The following SSH2 variants were observed in gnomAD, a reference collection of about 807,000 sequenced individuals.
SSH2 encodes slingshot protein phosphatase 2.
Under a neutral mutation model 135.2 loss-of-function variants are expected in SSH2, and 37 were observed. The observed-to-expected ratio is 0.27, with a 90% CI of 0.21 to 0.36. SSH2 has a LOEUF of 0.36. Ranked by LOEUF, SSH2 falls within the 10% of genes least tolerant of loss-of-function variation. The probability of loss-of-function intolerance (pLI) is 1.00; values close to 1 mark genes in which losing one functional copy is unlikely to be tolerated. For missense variants in SSH2, 1,408 were observed against 1,765.3 expected, an observed-to-expected ratio of 0.80 and a Z score of 3.63; for synonymous variants, 628 against 646.2, an observed-to-expected ratio of 0.97 and a Z score of 0.43.
chr17:29,739,243 ACTAT>A (rs1287670642), intron 3 of SSH2, among the ~76,000 whole-genome samples: 2 of 152,188 alleles, frequency 1.3e-5, no homozygotes, highest in African/African-American at 4.8e-5. Context: ...AACCGAATCC[ACTAT>A]CTATTTAACT....
intron 1 of SSH2, among the ~76,000 whole-genome samples, chr17:29,915,630 T>C (rs897897322): frequency 1.3e-5 from 2 of 152,162 alleles, no homozygotes; most frequent in Non-Finnish European, 2.9e-5. Context: ...CATAGCCTAT[T>C]AAATTGATAA....
At chr17:29,684,721 T>C in intron 5 of SSH2, 37 bp from the exon 6 acceptor site, 1 of 1,591,420 alleles carries the variant, frequency 6.3e-7, no homozygotes, top group Non-Finnish European at 8.6e-7. Context: ...TTATGAAATT[T>C]AGGACATTAA....
At chr17:29,926,572 T>C (rs1039442823) in intron 1 of SSH2, among the ~76,000 whole-genome samples, 7 of 146,060 alleles carry the variant, frequency 4.8e-5, no homozygotes, top group Non-Finnish European at 9.1e-5. Context: ...AAAAAAAAAA[T>C]CTTAAAATAC....
At chr17:29,869,708 G>T (rs1599118967) in intron 1 of SSH2, among the ~76,000 whole-genome samples, 1 of 152,288 alleles carries the variant, frequency 6.6e-6, no homozygotes. Flanking sequence ...AAAGAAAAGA[G>T]TTCCTCTGAA....
At chr17:29,887,985 C>T (rs1295976761) in intron 1 of SSH2, among the ~76,000 whole-genome samples, 1 of 151,912 alleles carries the variant, frequency 6.6e-6, no homozygotes, top group African/African-American at 2.4e-5. Flanking sequence ...GACTGCAATC[C>T]CAGCACTTTG....
At chr17:29,911,694 A>G (rs1270802686) in intron 1 of SSH2, among the ~76,000 whole-genome samples, 3 of 152,218 alleles carry the variant, frequency 2.0e-5, no homozygotes, top group African/African-American at 7.2e-5. Context: ...ACTGCTAACA[A>G]GTCTCTATAC....
Position 29,677,761 on chromosome 17 carries a change from C to T in SSH2, c.480-20G>A. 1 of 1,597,976 alleles carries T rather than the reference C, an allele frequency of 6.3e-7. No homozygotes were observed. On this transcript the variant is annotated intron_variant, in intron 6 of 15. Transcript: ENST00000540801. ...GTGCTACTGCAAGACAAGAAGTAGTCCAATAGTTACTCCCCATTACTCTGG... is the reference window on the plus strand; with the variant it reads ...GTGCTACTGCAAGACAAGAAGTAGTTCAATAGTTACTCCCCATTACTCTGG...
At chr17:29,804,796 T>C (rs534186402) in intron 2 of SSH2, among the ~76,000 whole-genome samples, 162 of 151,316 alleles carry the variant, frequency 1.1e-3, no homozygotes, top group Middle Eastern at 3.4e-3. Context: ...TCAGCCTTCA[T>C]GAGTTCACAA....
chr17:29,820,708 C>A lies in SSH2; in HGVS notation c.145-26771G>T, dbSNP rs9897155. ...AGCAAATTTAAACAAAACATGCACA[C>A]TGAATTTCTGATACAAAGAGTGCTG... On this transcript the variant is annotated intron_variant, in intron 2 of 15. Transcript: ENST00000540801. Among the ~76,000 whole-genome samples the A allele has an allele frequency of 6.6e-3, 1,002 of 152,304 alleles. 6 individuals are homozygous for A. The highest frequency in any genetic ancestry group is 0.023 in the African/African-American group (960 of 41,562).
At chr17:29,921,866 T>C (rs1343665972) in intron 1 of SSH2, among the ~76,000 whole-genome samples, 1 of 152,144 alleles carries the variant, frequency 6.6e-6, no homozygotes, top group African/African-American at 2.4e-5. Flanking sequence ...CAAATACTTT[T>C]GAGCTCTGAT....
chr17:29,841,100 T>A (rs1003034782), intron 2 of SSH2, among the ~76,000 whole-genome samples: 2 of 151,484 alleles, frequency 1.3e-5, no homozygotes, highest in African/African-American at 4.9e-5. Context: ...GGAGGGTGAG[T>A]CAGTAGTGAC....
At chr17:29,657,670 A>T (rs1355778567) in intron 11 of SSH2, among the ~76,000 whole-genome samples, 1 of 142,126 alleles carries the variant, frequency 7.0e-6, no homozygotes, top group African/African-American at 2.6e-5. Flanking sequence ...TCCTGGGCTC[A>T]AACCATCCTC....
chr17:29,859,500 A>C (rs1055756862), intron 1 of SSH2, among the ~76,000 whole-genome samples: 2 of 152,002 alleles, frequency 1.3e-5, no homozygotes, highest in African/African-American at 4.8e-5. Context: ...CTATGTGTCC[A>C]TGTGTTCTCA....
Position 29,631,335 on chromosome 17 carries a change from G to A in SSH2, c.3859C>T (p.Leu1287Phe). 6.2e-7 allele frequency: 1 copy of A among 1,614,184 alleles called. No homozygotes were observed. The highest frequency in any genetic ancestry group is 8.5e-7 in the Non-Finnish European group (1 of 1,180,024). ...AGGTCCAAGTAACCTAATTTGGCGA[G>A]AGAAGCTGAGCGCCTCATTTGGGAT... is the stretch of plus-strand genomic sequence containing the variant. ...KPSQMRRSAS[L>F]AKLGYLDLCK... Residue 1287 changes from leucine to phenylalanine, a missense_variant, in exon 16 of 16, where the codon CTC (leucine) becomes TTC (phenylalanine). Physicochemically the swap from Leu to Phe is conservative, Grantham distance 22 (BLOSUM62 0). This residue lies in a region of SSH2 where 1,080 missense variants were observed against 1,144.5 expected (regional missense o/e 0.94). Coordinates refer to ENST00000540801, the MANE Select transcript of SSH2 (RefSeq NM_001282129.2).
At chr17:29,900,149 TTA>T (rs1265113730) in intron 1 of SSH2, among the ~76,000 whole-genome samples, 1 of 152,228 alleles carries the variant, frequency 6.6e-6, no homozygotes, top group Non-Finnish European at 1.5e-5. Flanking sequence ...GATTAAATAC[TTA>T]TATGTTAGAC....
At chr17:29,694,326 G>T (rs2038627278) in intron 5 of SSH2, among the ~76,000 whole-genome samples, 1 of 152,154 alleles carries the variant, frequency 6.6e-6, no homozygotes, top group Non-Finnish European at 1.5e-5. Context: ...TTTATTGGAG[G>T]TATTACTACA....
At chr17:29,742,243 A>T (rs904500267) in intron 3 of SSH2, among the ~76,000 whole-genome samples, 7 of 151,258 alleles carry the variant, frequency 4.6e-5, no homozygotes, top group African/African-American at 1.5e-4. Context: ...TGCTTCACTG[A>T]TAAGACTAGT....
At chr17:29,762,829 T>G (rs1161620645) in intron 3 of SSH2, among the ~76,000 whole-genome samples, 3 of 152,170 alleles carry the variant, frequency 2.0e-5, no homozygotes, top group African/African-American at 4.8e-5. Context: ...ACAGCAAATA[T>G]TTTCAGGTAT....
intron 3 of SSH2, among the ~76,000 whole-genome samples, chr17:29,765,131 A>G (rs1050194955): frequency 2.0e-5 from 3 of 152,224 alleles, no homozygotes; most frequent in South Asian, 2.1e-4. Context: ...CCCTAATGAA[A>G]TGTCCCTAGA....
Sources: gnomAD v4.1 joint callset for allele counts (sites outside exome capture counted in the v4.1 genomes callset) on GRCh38, gnomAD v4.1.1 for gene constraint, gnomAD v4.1.1 regional missense constraint, MANE v1.5 for transcripts, NCBI Gene and HGNC (gene_info 2026-07-23, HGNC 2026-07-21) for gene names.